Variants in MGA observed in about 807,000 individuals in gnomAD.
MGA encodes the protein MAX dimerization protein MGA.
MGA carries 40 observed loss-of-function variants against 261.1 expected under a neutral mutation model. That is an observed-to-expected ratio of 0.15 (90% CI 0.12 to 0.20). The LOEUF is 0.20. MGA is among the 10% of genes least tolerant of loss of function. The pLI is 1.00. For missense variants in MGA, 3,397 were observed against 3,630.5 expected (o/e 0.94, Z 1.65); for synonymous variants, 1,302 against 1,290.6 (o/e 1.01, Z -0.19).
At position 41,642,830 on chromosome 15, in the gene MGA, G is replaced by A. The variant is rs1016272066; in HGVS notation, c.-68+21532G>A. On this transcript the variant is annotated intron_variant, in intron 1 of 8. Transcript: ENST00000566718. Reference sequence around the variant, plus strand: ...TCACCGTGTTGGCCAGGCTGGTCTCGAACTTCTAACCTCAGGTGATCTGCT... The same window carrying A: ...TCACCGTGTTGGCCAGGCTGGTCTCAAACTTCTAACCTCAGGTGATCTGCT... Among the ~76,000 whole-genome samples the A allele has an allele frequency of 1.2e-4, 18 of 150,984 alleles. 1 individual carries two copies. Among genetic ancestry groups the A allele is most frequent in the Admixed American group, 5.9e-4 (9 of 15,186 alleles).
At chr15:41,736,826 T>C in intron 13 of MGA, 128 bp downstream of exon 13, 1 of 1,084,336 alleles carries the variant, frequency 9.2e-7, no homozygotes, top group Non-Finnish European at 1.3e-6. Flanking sequence ...GTGACAAAAT[T>C]ATTATCTCTT....
In MGA at chr15:41,729,349, G is replaced by A. The variant is rs926259617; in HGVS notation, c.3843G>A (p.Lys1281=). 1 of 1,603,250 alleles carries A rather than the reference G, an allele frequency of 6.2e-7. No individual in the cohort carries two copies. The highest frequency in any genetic ancestry group is 8.5e-7 in the Non-Finnish European group (1 of 1,175,896). Residue 1281 remains lysine (K), a splice_region_variant and synonymous_variant, in exon 11 of 24, where the codon AAG becomes AAA. Coordinates refer to ENST00000219905, the MANE Select transcript of MGA (RefSeq NM_001164273.2). ...GCCCTGAGAACCATAATAATGCAAA[G>A]GTGAGTTTCTTGTTGCATAAGTTCT...
rs1229684082 is a variant in MGA at position 41,652,376 on chromosome 15, C to T, written c.-67-16452C>T. On this transcript the variant is annotated intron_variant, in intron 1 of 8. Coordinates refer to the MGA transcript ENST00000566718. ...CTTCCCTCTCCCTTCTCCCCTCTCC[C>T]CTCTCCTTTCCCCGCCTTTCACTCT... is the stretch of plus-strand genomic sequence containing the variant. Among the ~76,000 whole-genome samples the T allele has an allele frequency of 2.7e-5, 4 of 148,776 alleles. No individual in the cohort carries two copies. The South Asian group carries it at 8.7e-4, about 32-fold the overall frequency.
At chr15:41,654,120 T>C (rs1250431351) in intron 1 of MGA, among the ~76,000 whole-genome samples, 1 of 152,210 alleles carries the variant, frequency 6.6e-6, no homozygotes, top group Non-Finnish European at 1.5e-5. Context: ...GACTCTTGAC[T>C]TCTTGGCAAA....
At chr15:41,682,321 T>C (rs1000293078) in intron 2 of MGA, among the ~76,000 whole-genome samples, 4 of 152,214 alleles carry the variant, frequency 2.6e-5, no homozygotes, top group Admixed American at 2.6e-4. Context: ...TAAATTTTTG[T>C]GTGTACCTCC....
In MGA at chr15:41,745,597, A is replaced by AT. The variant is rs199992984; in HGVS notation, c.5212+2425_5212+2426insT. ...TAAAAATGTATTTTTATTTAAAAAA[A>AT]ATATATATCTATATATAGAGAGAGA... is the stretch of plus-strand genomic sequence containing the variant. On this transcript the variant is annotated intron_variant, in intron 15 of 23. Coordinates refer to ENST00000219905, the MANE Select transcript of MGA (RefSeq NM_001164273.2). Among the ~76,000 whole-genome samples the AT allele has an allele frequency of 3.1e-4, 47 of 151,956 alleles. No homozygotes were observed. The East Asian group carries it at 3.7e-3, about 12-fold the overall frequency.
intron 6 of MGA, 92 bp from the exon 7 acceptor site, chr15:41,708,012 A>C: frequency 7.4e-7 from 1 of 1,351,598 alleles, no homozygotes; most frequent in Non-Finnish European, 1.0e-6. Flanking sequence ...AGTGATTTAT[A>C]CACTTACCAA....
At position 41,661,351 on chromosome 15, in the gene MGA, C is replaced by G. The variant is rs543611568; in HGVS notation, c.-68+826C>G. On this transcript the variant is annotated intron_variant, in intron 1 of 23. Transcript: ENST00000219905. ...TTAACATCACCCCCCCACCGCCCCC[C>G]CAAAGCTCCAGTAGCCAAAGTTGAG... is the stretch of plus-strand genomic sequence containing the variant. 2.2e-3 allele frequency among the ~76,000 whole-genome samples: 337 copies of G among 151,030 alleles called. 1 individual carries two copies. The highest frequency in any genetic ancestry group is 7.5e-3 in the African/African-American group (307 of 40,996).
chr15:41,655,493 A>T (rs1169885179), upstream of MGA, among the ~76,000 whole-genome samples: 1 of 152,170 alleles, frequency 6.6e-6, no homozygotes, highest in Non-Finnish European at 1.5e-5. Context: ...ACTTTAAATC[A>T]TCTTTACTTA....
At chr15:41,688,169 G>A (rs767556267) in intron 2 of MGA, among the ~76,000 whole-genome samples, 4 of 152,060 alleles carry the variant, frequency 2.6e-5, no homozygotes, top group Admixed American at 1.3e-4. Flanking sequence ...TCTGCCTCCC[G>A]GGTTCAAGCG....
chr15:41,759,210 A>G (rs963151666), intron 19 of MGA, among the ~76,000 whole-genome samples: 6 of 152,218 alleles, frequency 3.9e-5, no homozygotes, highest in East Asian at 1.9e-4. Flanking sequence ...TATTGGGATG[A>G]TAAGATGGTA....
chr15:41,718,365 G>A (rs1435603788), intron 9 of MGA: 3 of 690,152 alleles, frequency 4.3e-6, no homozygotes, highest in Admixed American at 5.4e-5. Context: ...AGGTTCTTAA[G>A]AAGTTTAAAA....
chr15:41,669,817 A>G lies in MGA; in HGVS notation c.923A>G (p.Asp308Gly), dbSNP rs1595636877. 17 of 1,613,984 alleles carry G rather than the reference A, an allele frequency of 1.1e-5. No homozygotes were observed. The highest frequency in any genetic ancestry group is 1.4e-5 in the Non-Finnish European group (16 of 1,179,888). The change falls in exon 2 of 24, where the codon GAT becomes GGT. Residue 308 changes from aspartate to glycine, a missense_variant. Coordinates refer to ENST00000219905, the MANE Select transcript of MGA (RefSeq NM_001164273.2). The stretch of plus-strand genomic sequence containing the variant: ...TCAGAGATACAACCAGGTGATTTGG[A>G]TCCTTTGTCAAGGGGTCATGAAACA...
rs2062179679 is a variant in MGA at position 41,742,572 on chromosome 15, T to C, written c.4612T>C (p.Phe1538Leu). 2 of 1,613,848 alleles carry C rather than the reference T, an allele frequency of 1.2e-6. No individual in the cohort carries two copies. Among genetic ancestry groups the C allele is most frequent in the Non-Finnish European group, 8.5e-7 (1 of 1,179,858 alleles). Residue 1538 changes from phenylalanine to leucine, a missense_variant, in exon 15 of 24, where the codon TTC becomes CTC. By Grantham distance (22) the Phe-to-Leu change is conservative. Transcript: ENST00000219905. ...GGCTCGACCCTCTCCTGGTGGTGTGTTCACACAGTTTGTGATGAGTAAAGT... is the reference window on the plus strand; with the variant it reads ...GGCTCGACCCTCTCCTGGTGGTGTGCTCACACAGTTTGTGATGAGTAAAGT...
intron 2 of MGA, among the ~76,000 whole-genome samples, chr15:41,676,911 T>C (rs1045479004): frequency 3.9e-5 from 6 of 152,214 alleles, no homozygotes; most frequent in African/African-American, 1.4e-4. Context: ...GCATAACATC[T>C]ACCTGGTTTC....
chr15:41,629,645 C>T (rs1323369851), intron 1 of MGA, among the ~76,000 whole-genome samples: 6 of 151,800 alleles, frequency 4.0e-5, no homozygotes, highest in Non-Finnish European at 5.9e-5. Context: ...GGGAGGATTA[C>T]TTCAGCCTGG....
chr15:41,697,442 A>T (rs1160998405), intron 3 of MGA, among the ~76,000 whole-genome samples: 1 of 136,108 alleles, frequency 7.3e-6, no homozygotes, highest in Admixed American at 7.6e-5. Context: ...TTTGAGACAG[A>T]GTCTTGCTCT....
intron 14 of MGA, among the ~76,000 whole-genome samples, chr15:41,741,220 G>A (rs1242941096): frequency 6.6e-6 from 1 of 151,834 alleles, no homozygotes; most frequent in Non-Finnish European, 1.5e-5. Context: ...GGTGGCATGC[G>A]CCTGTAGTCC....
rs1246317040 is a variant in MGA, at chr15:41,669,766, G to A, written c.872G>A (p.Arg291Gln). Reference sequence around the variant, plus strand: ...AATATTTCCAGTTCTTCTGGTCATCGGGTCCGTCTTACAGAAGGTCAGGGG... The same window carrying A: ...AATATTTCCAGTTCTTCTGGTCATCAGGTCCGTCTTACAGAAGGTCAGGGG... The change falls in exon 2 of 24, where the codon CGG (arginine) becomes CAG (glutamine). Residue 291 changes from arginine to glutamine, a missense_variant. By Grantham distance (43) the Arg-to-Gln change is conservative. Around this residue, in one of 9 missense-constraint regions of MGA, gnomAD observed 563 missense variants for 563.6 expected, o/e 1.00. Transcript: ENST00000219905. The A allele has an allele frequency of 3.7e-6, 6 of 1,613,864 alleles. No individual in the cohort carries two copies. Among genetic ancestry groups the A allele is most frequent in the South Asian group, 3.3e-5 (3 of 91,070 alleles).
Sources: gnomAD v4.1 joint callset for allele counts (sites outside exome capture counted in the v4.1 genomes callset) on GRCh38, gnomAD v4.1.1 for gene constraint, gnomAD v4.1.1 regional missense constraint, MANE v1.5 for transcripts, NCBI Gene and HGNC (gene_info 2026-07-23, HGNC 2026-07-21) for gene names.